Variants in CDK11B observed in about 807,000 individuals in gnomAD.
The protein encoded by CDK11B is cyclin dependent kinase 11B, also known as cyclin-dependent kinase 11B.
Under a neutral mutation model 84.0 loss-of-function variants are expected in CDK11B, and 37 were observed. That is an observed-to-expected ratio of 0.44 (90% CI 0.34 to 0.58). The LOEUF is 0.58. CDK11B is among the 20% of genes least tolerant of loss of function. The pLI is 0.02. For synonymous variants in CDK11B, 269 were observed against 309.8 expected (o/e 0.87, Z 1.38); for missense variants, 427 against 834.0 (o/e 0.51, Z 6.01).
chr1:1,656,700 G>A (rs1409561371), intron 2 of CDK11B, among the ~76,000 whole-genome samples: 2 of 152,128 alleles, frequency 1.3e-5, no homozygotes, highest in Admixed American at 1.3e-4. Flanking sequence ...TGAGGCAGGA[G>A]AATGGCGTGA....
chr1:1,641,243 T>C (rs1257958051), intron 9 of CDK11B, 130 bp from the exon 10 acceptor site: 1 of 1,470,528 alleles, frequency 6.8e-7, no homozygotes, highest in Non-Finnish European at 9.3e-7. Context: ...GCGCGGTGGC[T>C]CACGCCTGTA....
At chr1:1,654,456 T>A (rs1642451295) in intron 3 of CDK11B, among the ~76,000 whole-genome samples, 1 of 152,130 alleles carries the variant, frequency 6.6e-6, no homozygotes, top group South Asian at 2.1e-4. Context: ...TTCTTTTTTT[T>A]ATTTTGTGTA....
At chr1:1,636,867 A>G (rs1205544318) in intron 16 of CDK11B, 30 bp downstream of exon 16, 70 of 1,611,284 alleles carry the variant, frequency 4.3e-5, no homozygotes, top group Non-Finnish European at 5.7e-5. Flanking sequence ...CGTGGGGGAC[A>G]GGGGAGGCAC....
At chr1:1,657,317 A>G in intron 2 of CDK11B, 58 bp downstream of exon 2, 1 of 1,612,612 alleles carries the variant, frequency 6.2e-7, no homozygotes, top group South Asian at 1.1e-5. Context: ...TGGAAAAATG[A>G]GGGCAAAGAA....
intron 3 of CDK11B, among the ~76,000 whole-genome samples, chr1:1,654,587 T>C (rs1032939394): frequency 7.3e-5 from 11 of 151,496 alleles, no homozygotes; most frequent in Admixed American, 2.6e-4. Context: ...CCGGCCAATA[T>C]GAACATTTCT....
intron 2 of CDK11B, among the ~76,000 whole-genome samples, chr1:1,655,894 C>T (rs1284630127): frequency 7.1e-4 from 108 of 152,084 alleles, no homozygotes; most frequent in African/African-American, 2.5e-3. Flanking sequence ...GGAAAACAAA[C>T]AAACAAACAA....
At chr1:1,655,978 A>T (rs1642697472) in intron 2 of CDK11B, among the ~76,000 whole-genome samples, 1 of 152,250 alleles carries the variant, frequency 6.6e-6, no homozygotes. Context: ...TGAGAAATTT[A>T]AAAATAGCAT....
At chr1:1,647,552 T>C (rs1375830283) in intron 5 of CDK11B, among the ~76,000 whole-genome samples, 1 of 152,218 alleles carries the variant, frequency 6.6e-6, no homozygotes, top group Non-Finnish European at 1.5e-5. Flanking sequence ...ACAGTAAGGC[T>C]TCCTTGGCCC....
rs1417842901 is a variant in CDK11B, at chr1:1,657,583, T to C, written c.-13-85A>G. On this transcript the variant is annotated intron_variant, in intron 1 of 19. Coordinates refer to ENST00000341832, the MANE Select transcript of CDK11B (RefSeq NM_033486.3). ...CTTGAACCTAGTCACTTTTGAGGGA[T>C]TCAGAATAAATCCTCATTAAGAATA... 8 of 980,406 alleles carry C rather than the reference T, an allele frequency of 8.2e-6. No homozygotes were observed. The East Asian group carries it at 2.1e-4, about 26-fold the overall frequency. The allele number at this position is 980,406 out of a possible 1,614,324, so 60.7% of individuals were successfully genotyped here.
rs751624646 is a variant in CDK11B, at chr1:1,637,114, G to A, written c.1659C>T (p.Ser553=). ...TGCCGGCGTGGCTCAGCAGCAGGTT[G>A]GACGTCTTGAGGTCACGGTGCAGGA... ...NWILHRDLKT[S]NLLLSHAGIL... Residue 553 remains serine (S), a synonymous_variant, in exon 15 of 20, where the codon TCC becomes TCT. Transcript: ENST00000341832. 6.2e-7 allele frequency: 1 copy of A among 1,613,618 alleles called. No individual in the cohort carries two copies. Among genetic ancestry groups the A allele is most frequent in the Non-Finnish European group, 8.5e-7 (1 of 1,179,878 alleles).
intron 10 of CDK11B, 22 bp from the exon 11 acceptor site, chr1:1,640,474 AC>A (rs1640109074): frequency 6.2e-7 from 1 of 1,613,616 alleles, no homozygotes; most frequent in African/African-American, 1.3e-5. Context: ...GAACCTAATT[AC>A]GAAGCTAGGA....
At chr1:1,650,647 G>A (rs1163027376) in intron 4 of CDK11B, among the ~76,000 whole-genome samples, 1 of 145,636 alleles carries the variant, frequency 6.9e-6, no homozygotes, top group Non-Finnish European at 1.5e-5. Flanking sequence ...TTACAGTTGT[G>A]AGCCACCGCG....
chr1:1,647,207 T>A (rs1476815538), intron 5 of CDK11B, among the ~76,000 whole-genome samples: 1 of 152,266 alleles, frequency 6.6e-6, no homozygotes, highest in African/African-American at 2.4e-5. Context: ...ATCCACAAGT[T>A]GTTTCCAAGC....
intron 10 of CDK11B, 124 bp downstream of exon 10, chr1:1,640,924 A>C (rs1640192617): frequency 7.1e-7 from 1 of 1,401,850 alleles, no homozygotes; most frequent in African/African-American, 1.6e-5. Flanking sequence ...GGAGCGGCCA[A>C]CGAATCAGGC....
chr1:1,650,268 C>CAAAAAAAAAAAAAAAAAAAAAAAAA lies in CDK11B; in HGVS notation c.356-632_356-631insTTTTTTTTTTTTTTTTTTTTTTTTT, dbSNP rs1212256890. 3.9e-4 allele frequency among the ~76,000 whole-genome samples: 18 copies of CAAAAAAAAAAAAAAAAAAAAAAAAA among 45,738 alleles called. 1 individual carries two copies. Among genetic ancestry groups the CAAAAAAAAAAAAAAAAAAAAAAAAA allele is most frequent in the Non-Finnish European group, 6.0e-4 (14 of 23,420 alleles). 30.0% of individuals were successfully genotyped at this position (45,738 alleles called of 152,430 possible). Reference sequence around the variant, plus strand: ...CTGGGTGACAAGCAAGACTCCGTCCCAAAAAAAAAAAAAAAAGAAATTAAA... The same window carrying CAAAAAAAAAAAAAAAAAAAAAAAAA: ...CTGGGTGACAAGCAAGACTCCGTCCCAAAAAAAAAAAAAAAAAAAAAAAAAAAAAAAAAAAAAAAAAGAAATTAAA... On this transcript the variant is annotated intron_variant, in intron 4 of 19. Coordinates refer to ENST00000341832, the MANE Select transcript of CDK11B (RefSeq NM_033486.3).
intron 4 of CDK11B, among the ~76,000 whole-genome samples, chr1:1,652,230 C>G (rs1293172085): frequency 6.6e-6 from 1 of 152,062 alleles, no homozygotes; most frequent in Non-Finnish European, 1.5e-5. Flanking sequence ...AGAGTTTGCT[C>G]TCTCTGGTTT....
chr1:1,646,373 C>T lies in CDK11B; in HGVS notation c.495-1111G>A, dbSNP rs144163651. On this transcript the variant is annotated intron_variant, in intron 5 of 19. Transcript: ENST00000341832. ...TTTAAAACACTAAGAAAACAACTTT[C>T]TTAGTGGTTGCTCTAGGGATCACCG... 3.5e-3 allele frequency: 1,699 copies of T among 480,492 alleles called. 2 individuals carry two copies. In the East Asian group the frequency reaches 0.074, roughly 21 times the overall value. The allele number at this position is 480,492 out of a possible 1,614,324, so 29.8% of individuals were successfully genotyped here. A position where few individuals can be genotyped will look rare whatever the true frequency, so the allele number is the denominator to read the frequency against.
In CDK11B at chr1:1,636,336, T is replaced by C; in HGVS notation, c.2063A>G (p.Asn688Ser). Reference sequence around the variant, plus strand: ...CACCCGGCTGCACTGGGCTCACTTGTTCATGAGGTCGAAGCCCTGGTCTGA... The same window carrying C: ...CACCCGGCTGCACTGGGCTCACTTGCTCATGAGGTCGAAGCCCTGGTCTGA... ...LLSDQGFDLM[N>S]KFLTYFPGRR... The change falls in exon 18 of 20, where the codon AAC becomes AGC. Residue 688 changes from asparagine to serine, a missense_variant. Physicochemically the swap from Asn to Ser is conservative, Grantham distance 46. Transcript: ENST00000341832. The C allele has an allele frequency of 6.4e-7, 1 of 1,569,276 alleles. No individual in the cohort carries two copies. Among genetic ancestry groups the C allele is most frequent in the Non-Finnish European group, 8.6e-7 (1 of 1,157,784 alleles).
intron 2 of CDK11B, among the ~76,000 whole-genome samples, chr1:1,656,410 G>C (rs1320799897): frequency 6.6e-6 from 1 of 152,152 alleles, no homozygotes; most frequent in Non-Finnish European, 1.5e-5. Context: ...AGAACTGCTT[G>C]AACACAGGAG....
Sources: allele counts gnomAD v4.1 joint callset (sites outside exome capture counted in the v4.1 genomes callset), GRCh38; gene constraint gnomAD v4.1.1; transcripts MANE v1.5; gene names NCBI Gene and HGNC (gene_info 2026-07-23, HGNC 2026-07-21).